Variants in CSMD1 observed in about 807,000 individuals in gnomAD.
The protein encoded by CSMD1 is CUB and sushi domain-containing protein 1.
CSMD1 carries 213 observed loss-of-function variants against 417.5 expected under a neutral mutation model. That is an observed-to-expected ratio of 0.51 (90% CI 0.46 to 0.57). The LOEUF (loss-of-function observed/expected upper bound fraction) is 0.57, where lower values mean the gene tolerates loss of function less well. Ranked by LOEUF, CSMD1 falls within the 20% of genes least tolerant of loss-of-function variation. The pLI is 0.00. For missense variants in CSMD1, 6,923 were observed against 4,529.7 expected (o/e 1.53, Z -15.17); for synonymous variants, 2,862 against 1,736.8 (o/e 1.65, Z -16.11).
At chr8:3,252,219 A>G (rs1800326656) in intron 26 of CSMD1, among the ~76,000 whole-genome samples, 1 of 152,166 alleles carries the variant, frequency 6.6e-6, no homozygotes, top group African/African-American at 2.4e-5. Flanking sequence ...AGCTCTTATT[A>G]TTTTGAAATA....
intron 3 of CSMD1, among the ~76,000 whole-genome samples, chr8:4,370,279 C>G (rs562298514): frequency 8.6e-4 from 130 of 151,868 alleles, no homozygotes; most frequent in African/African-American, 2.9e-3. Context: ...CCAGTCTTTC[C>G]CAGTTTGTAA....
intron 3 of CSMD1, among the ~76,000 whole-genome samples, chr8:4,048,826 A>C (rs1798279484): frequency 6.6e-6 from 1 of 152,248 alleles, no homozygotes; most frequent in Non-Finnish European, 1.5e-5. Context: ...TATTCACTCA[A>C]TAGTACACCT....
chr8:4,388,928 C>G (rs1803654144), intron 3 of CSMD1, among the ~76,000 whole-genome samples: 2 of 152,122 alleles, frequency 1.3e-5, no homozygotes. Flanking sequence ...GTTACTAATG[C>G]TTTGAAAACC....
At chr8:4,544,697 T>C (rs1481141691) in intron 2 of CSMD1, among the ~76,000 whole-genome samples, 1 of 152,234 alleles carries the variant, frequency 6.6e-6, no homozygotes, top group African/African-American at 2.4e-5. Flanking sequence ...TGTATTACAA[T>C]GTATCCTTGA....
chr8:3,416,389 C>T (rs270091), intron 12 of CSMD1, among the ~76,000 whole-genome samples: 133,710 of 150,786 alleles, frequency 0.89, 59,466 homozygotes, highest in Middle Eastern at 0.95. Context: ...GAGGACCAAA[C>T]ACTACAAGAG....
Position 4,177,028 on chromosome 8 carries a change from G to C in CSMD1, c.416-144929C>G, listed in dbSNP as rs182184856. Among the ~76,000 whole-genome samples the C allele has an allele frequency of 3.9e-5, 6 of 152,152 alleles. No homozygotes were observed. In the East Asian group the frequency reaches 7.7e-4, roughly 20 times the overall value. ...CAACATTAGAAATATCAACGAGACAGAAAGTCAACAAGGATATCCAGGAAT... is the reference window on the plus strand; with the variant it reads ...CAACATTAGAAATATCAACGAGACACAAAGTCAACAAGGATATCCAGGAAT... On this transcript the variant is annotated intron_variant, in intron 3 of 69. Coordinates refer to ENST00000635120, the MANE Select transcript of CSMD1 (RefSeq NM_033225.6).
chr8:4,157,898 G>A (rs1796926321), intron 3 of CSMD1, among the ~76,000 whole-genome samples: 1 of 152,154 alleles, frequency 6.6e-6, no homozygotes, highest in Admixed American at 6.5e-5. Flanking sequence ...ACAACAGGAT[G>A]CTGAACTTGG....
chr8:4,717,552 A>ATCTG (rs1299367378), intron 1 of CSMD1, among the ~76,000 whole-genome samples: 1 of 121,854 alleles, frequency 8.2e-6, no homozygotes, highest in Non-Finnish European at 1.7e-5. Flanking sequence ...CTGTCTACCT[A>ATCTG]TCTATCTATC....
At chr8:3,416,717 C>A (rs1350535897) in intron 12 of CSMD1, among the ~76,000 whole-genome samples, 2 of 152,106 alleles carry the variant, frequency 1.3e-5, no homozygotes, top group Non-Finnish European at 1.5e-5. Flanking sequence ...GCATGTCAGG[C>A]AAGGCAGCAC....
intron 1 of CSMD1, among the ~76,000 whole-genome samples, chr8:4,905,199 A>G (rs1026004269): frequency 6.6e-6 from 1 of 152,072 alleles, no homozygotes; most frequent in East Asian, 1.9e-4. Context: ...TATATTTGAT[A>G]TCTCATCTGT....
At chr8:3,619,509 T>C (rs532967635) in intron 7 of CSMD1, among the ~76,000 whole-genome samples, 1 of 152,226 alleles carries the variant, frequency 6.6e-6, no homozygotes, top group African/African-American at 2.4e-5. Flanking sequence ...ACAATGAATT[T>C]ACAACAACAA....
At chr8:3,759,292 A>C (rs1797855149) in intron 5 of CSMD1, among the ~76,000 whole-genome samples, 1 of 152,206 alleles carries the variant, frequency 6.6e-6, no homozygotes, top group Non-Finnish European at 1.5e-5. Context: ...AATCAGAATG[A>C]TCTAGAATGA....
At chr8:4,879,601 G>C (rs1441858527) in intron 1 of CSMD1, among the ~76,000 whole-genome samples, 1 of 151,964 alleles carries the variant, frequency 6.6e-6, no homozygotes, top group African/African-American at 2.4e-5. Context: ...AAAATAAGGA[G>C]ACTGTAGTTA....
At chr8:4,094,297 G>C (rs1800884096) in intron 3 of CSMD1, among the ~76,000 whole-genome samples, 1 of 152,118 alleles carries the variant, frequency 6.6e-6, no homozygotes, top group African/African-American at 2.4e-5. Flanking sequence ...GGAACAAGGA[G>C]AAGAATCAGC....
intron 3 of CSMD1, among the ~76,000 whole-genome samples, chr8:4,153,711 G>A (rs893430032): frequency 6.6e-6 from 1 of 152,196 alleles, no homozygotes; most frequent in Non-Finnish European, 1.5e-5. Flanking sequence ...CAGTCCCACA[G>A]ATATAAGAAC....
At chr8:3,983,747 G>A (rs958736928) in intron 5 of CSMD1, among the ~76,000 whole-genome samples, 1 of 152,204 alleles carries the variant, frequency 6.6e-6, no homozygotes, top group Non-Finnish European at 1.5e-5. Flanking sequence ...TAGTCTGGTA[G>A]CATCTGATGG....
chr8:4,554,161 G>C (rs1468275624), intron 2 of CSMD1, among the ~76,000 whole-genome samples: 1 of 152,062 alleles, frequency 6.6e-6, no homozygotes, highest in African/African-American at 2.4e-5. Context: ...TTTTGAGGCA[G>C]AGTCTCGATC....
intron 3 of CSMD1, among the ~76,000 whole-genome samples, chr8:4,401,806 C>T (rs1804663739): frequency 6.6e-6 from 1 of 152,172 alleles, no homozygotes; most frequent in African/African-American, 2.4e-5. Context: ...CTCTCTCACT[C>T]ACCCCTCCGT....
chr8:3,493,417 A>G (rs766003159), intron 11 of CSMD1, among the ~76,000 whole-genome samples: 5 of 152,148 alleles, frequency 3.3e-5, no homozygotes, highest in African/African-American at 4.8e-5. Context: ...TTGAAGAAAA[A>G]CAGTCGAAAC....
Sources: allele counts gnomAD v4.1 joint callset (sites outside exome capture counted in the v4.1 genomes callset), GRCh38; gene constraint gnomAD v4.1.1; transcripts MANE v1.5; gene names NCBI Gene and HGNC (gene_info 2026-07-23, HGNC 2026-07-21).